DOCK8: variants seen among roughly 807,000 people sequenced by gnomAD.
DOCK8 encodes dedicator of cytokinesis 8.
A neutral mutation model predicts 245.6 loss-of-function variants in DOCK8; 141 were observed. The ratio of observed to expected loss-of-function variants is 0.57; its 90% CI spans 0.50 to 0.66. DOCK8 has a LOEUF of 0.66. Ranked by LOEUF, DOCK8 falls within the 30% of genes least tolerant of loss-of-function variation. The probability of loss-of-function intolerance (pLI) is 0.00; values close to 1 mark genes in which losing one functional copy is unlikely to be tolerated. For synonymous variants in DOCK8, 1,168 were observed against 970.2 expected, an observed-to-expected ratio of 1.20 and a Z score of -3.79; for missense variants, 2,965 against 2,603.4, an observed-to-expected ratio of 1.14 and a Z score of -3.02.
chr9:429,940 T>G lies in DOCK8; in HGVS notation c.4626+86T>G, dbSNP rs16906738. The G allele has an allele frequency of 0.067, 102,387 of 1,525,258 alleles. 3,702 individuals carry two copies. Among genetic ancestry groups the G allele is most frequent in the African/African-American group, 0.1 (7,406 of 72,994 alleles). 94.5% of individuals were successfully genotyped at this position (1,525,258 alleles called of 1,614,324 possible). A position where few individuals can be genotyped will look rare whatever the true frequency, so the allele number is the denominator to read the frequency against. On this transcript the variant is annotated intron_variant, in intron 36 of 47. Coordinates refer to ENST00000432829, the MANE Select transcript of DOCK8 (RefSeq NM_203447.4). Reference sequence around the variant, plus strand: ...CAGCTGCGAAAAAAAATAAGGAAATTTTGCAGTATTGCAGTTTACTTCTGT... The same window carrying G: ...CAGCTGCGAAAAAAAATAAGGAAATGTTGCAGTATTGCAGTTTACTTCTGT...
chr9:369,460 G>C (rs978781950), intron 15 of DOCK8: 2 of 152,330 alleles, frequency 1.3e-5, no homozygotes, highest in Non-Finnish European at 1.5e-5. Context: ...GAGTGCACTT[G>C]TTCATAATGC....
At chr9:271,924 A>G (rs1312180631) in intron 2 of DOCK8, among the ~76,000 whole-genome samples, 195 bp downstream of exon 2, 1 of 152,126 alleles carries the variant, frequency 6.6e-6, no homozygotes, top group Admixed American at 6.6e-5. Context: ...TAGGGTACAT[A>G]ATAGAACCTC....
chr9:400,192 A>ACC (rs2054778313), intron 26 of DOCK8, among the ~76,000 whole-genome samples: 1 of 97,404 alleles, frequency 1.0e-5, no homozygotes, highest in African/African-American at 4.1e-5. Context: ...CTCCTTCACC[A>ACC]TCACCATCAC....
Position 427,115 on chromosome 9 carries a change from A to G in DOCK8, c.4338+134A>G, listed in dbSNP as rs571610031. On this transcript the variant is annotated intron_variant, in intron 34 of 47. Coordinates refer to ENST00000432829, the MANE Select transcript of DOCK8 (RefSeq NM_203447.4). Reference sequence around the variant, plus strand: ...CTTTTTTAAAAAAATGAAGTTGAGAAGTTTACTATTTACAACAGTGTCTAC... The same window carrying G: ...CTTTTTTAAAAAAATGAAGTTGAGAGGTTTACTATTTACAACAGTGTCTAC... 5.2e-5 allele frequency: 40 copies of G among 771,530 alleles called. No homozygotes were observed. The South Asian group carries it at 5.3e-4, about 10-fold the overall frequency. The allele number at this position is 771,530 out of a possible 1,614,324, so 47.8% of individuals were successfully genotyped here.
chr9:438,183 C>T (rs1297838155), intron 39 of DOCK8, among the ~76,000 whole-genome samples: 1 of 152,200 alleles, frequency 6.6e-6, no homozygotes, highest in Non-Finnish European at 1.5e-5. Flanking sequence ...AAGGTTGATT[C>T]ACATGATCTT....
upstream of DOCK8, chr9:214,437 C>T (rs948297895): frequency 3.3e-5 from 50 of 1,494,596 alleles, no homozygotes; most frequent in Non-Finnish European, 4.2e-5. Context: ...CTGATAGATT[C>T]CACTAACTTT....
chr9:373,660 C>T (rs1246948461), intron 18 of DOCK8, among the ~76,000 whole-genome samples: 1 of 152,196 alleles, frequency 6.6e-6, no homozygotes, highest in African/African-American at 2.4e-5. Context: ...TCTGTTCTTT[C>T]GCCATCTACC....
intron 14 of DOCK8, chr9:365,849 C>G (rs909423868): frequency 2.8e-6 from 1 of 352,044 alleles, no homozygotes; most frequent in Non-Finnish European, 5.6e-6. Flanking sequence ...GGGTCTGTAC[C>G]CCACACACAT....
chr9:282,784 A>G (rs1006387858), intron 2 of DOCK8, among the ~76,000 whole-genome samples: 9 of 152,120 alleles, frequency 5.9e-5, no homozygotes, highest in Admixed American at 2.6e-4. Context: ...GATTGCACAC[A>G]AATGTCATAT....
At chr9:339,876 G>T (rs1274257208) in intron 13 of DOCK8, among the ~76,000 whole-genome samples, 1 of 152,168 alleles carries the variant, frequency 6.6e-6, no homozygotes, top group Non-Finnish European at 1.5e-5. Context: ...ACTTAACAAT[G>T]TAAAATTATA....
In DOCK8 at chr9:390,531, G is replaced by A; in HGVS notation, c.2935G>A (p.Val979Ile). 2 of 1,614,208 alleles carry A rather than the reference G, an allele frequency of 1.2e-6. No individual in the cohort carries two copies. The highest frequency in any genetic ancestry group is 2.7e-5 in the African/African-American group (2 of 75,050). ...CAGCACCGGAATGGTGAGAGAAACA[G>A]TCTTCAAGTATGCCTGGTTCTTCTT... Reference protein sequence around the residue: ...VVSTGMVRETVFKYAWFFFEL... With the variant: ...VVSTGMVRETIFKYAWFFFEL... Residue 979 changes from valine to isoleucine, a missense_variant, in exon 24 of 48, where the codon GTC becomes ATC. Val to Ile is a conservative substitution (Grantham distance 29). Around this residue, in one of 3 missense-constraint regions of DOCK8, gnomAD observed 2,825 missense variants for 2,453.5 expected, o/e 1.15. Transcript: ENST00000432829.
intron 2 of DOCK8, among the ~76,000 whole-genome samples, chr9:285,237 C>T (rs2130265975): frequency 6.6e-6 from 1 of 152,288 alleles, no homozygotes; most frequent in East Asian, 1.9e-4. Context: ...GCCACATCTC[C>T]ATTCTCTGAT....
intron 14 of DOCK8, among the ~76,000 whole-genome samples, chr9:362,547 C>T (rs1432332712): frequency 6.6e-6 from 1 of 152,184 alleles, no homozygotes; most frequent in Non-Finnish European, 1.5e-5. Flanking sequence ...GCTCAGCAGC[C>T]AGCTGATAGG....
At chr9:314,014 T>G (rs960365029) in intron 6 of DOCK8, among the ~76,000 whole-genome samples, 4 of 152,184 alleles carry the variant, frequency 2.6e-5, no homozygotes, top group African/African-American at 9.7e-5. Context: ...AAAGCAACAA[T>G]TAGGCTAAAG....
intron 14 of DOCK8, among the ~76,000 whole-genome samples, chr9:354,279 C>A (rs1336074534): frequency 6.6e-6 from 1 of 152,126 alleles, no homozygotes; most frequent in Non-Finnish European, 1.5e-5. Flanking sequence ...TTGCAGTGGG[C>A]CGAGATCACA....
chr9:291,675 G>T (rs1405111749), intron 4 of DOCK8, among the ~76,000 whole-genome samples: 2 of 151,796 alleles, frequency 1.3e-5, no homozygotes, highest in Non-Finnish European at 2.9e-5. Flanking sequence ...GGAAAAATTT[G>T]TACATATTTA....
rs1310141816 is a variant in DOCK8, at chr9:367,883, T to C, written c.1680-135T>C. The stretch of plus-strand genomic sequence containing the variant: ...GAATCAAGTAATTCACTCCCCCCAA[T>C]AATAATTCACTTCTGAGAGGAAAAA... On this transcript the variant is annotated intron_variant, in intron 14 of 47. Transcript: ENST00000432829. The C allele has an allele frequency of 7.0e-6, 5 of 715,386 alleles. No individual in the cohort carries two copies. In the African/African-American group the frequency reaches 7.0e-5, roughly 10 times the overall value. 44.3% of individuals were successfully genotyped at this position (715,386 alleles called of 1,614,324 possible). A position where few individuals can be genotyped will look rare whatever the true frequency, so the allele number is the denominator to read the frequency against.
chr9:389,106 G>C (rs566968668), intron 23 of DOCK8, among the ~76,000 whole-genome samples: 1 of 152,170 alleles, frequency 6.6e-6, no homozygotes, highest in African/African-American at 2.4e-5. Context: ...ATTAATTAGG[G>C]TGACCAACTG....
intron 1 of DOCK8, among the ~76,000 whole-genome samples, chr9:244,791 TCC>T (rs2047467113): frequency 6.6e-6 from 1 of 151,796 alleles, no homozygotes; most frequent in African/African-American, 2.4e-5. Flanking sequence ...TGGAGGTGCT[TCC>T]CACCATAGCT....
Sources: allele counts gnomAD v4.1 joint callset (sites outside exome capture counted in the v4.1 genomes callset), GRCh38; gene constraint gnomAD v4.1.1; regional missense constraint gnomAD v4.1.1; transcripts MANE v1.5; gene names NCBI Gene and HGNC (gene_info 2026-07-23, HGNC 2026-07-21).